Variants in COG1 observed in about 807,000 individuals in gnomAD.
COG1 encodes the protein conserved oligomeric Golgi complex subunit 1.
Under a neutral mutation model 102.2 loss-of-function variants are expected in COG1, and 61 were observed. That is an observed-to-expected ratio of 0.60 (90% CI 0.49 to 0.74). The LOEUF (loss-of-function observed/expected upper bound fraction) is 0.74. Among genes scored for constraint, COG1 ranks in the 30% least tolerant of loss-of-function variants. The pLI is 0.00. For synonymous variants in COG1, 454 were observed against 493.6 expected, an observed-to-expected ratio of 0.92 and a Z score of 1.06; for missense variants, 1,164 against 1,232.1, an observed-to-expected ratio of 0.94 and a Z score of 0.83.
chr17:73,205,431 G>A (rs1371189294), intron 9 of COG1, 122 bp from the exon 10 acceptor site: 1 of 1,006,250 alleles, frequency 9.9e-7, no homozygotes, highest in Admixed American at 1.7e-5. Context: ...GGCCATATGA[G>A]CATTAAAACC....
intron 9 of COG1, chr17:73,205,284 CT>C (rs2061363745): frequency 1.8e-4 from 81 of 452,356 alleles, no homozygotes; most frequent in Middle Eastern, 1.3e-3. Flanking sequence ...GGCAAGGAGC[CT>C]TTTTTTCCCC....
intron 9 of COG1, 82 bp from the exon 10 acceptor site, chr17:73,205,471 C>T: frequency 6.7e-7 from 1 of 1,503,604 alleles, no homozygotes; most frequent in Non-Finnish European, 9.3e-7. Flanking sequence ...AGCTGAAACT[C>T]AACCAAAACT....
rs543447161 is a variant in COG1, at chr17:73,195,018, G to C, written c.316-1489G>C. The stretch of plus-strand genomic sequence containing the variant: ...ATAAGTTTGCATATTTTTGAAATGA[G>C]TGACCTCATCCCTCCCAAAGCTAAC... On this transcript the variant is annotated intron_variant, in intron 1 of 13. Transcript: ENST00000299886. 9.1e-4 allele frequency among the ~76,000 whole-genome samples: 139 copies of C among 152,298 alleles called. 1 individual carries two copies. Among genetic ancestry groups the C allele is most frequent in the Middle Eastern group, 3.4e-3 (1 of 294 alleles).
chr17:73,198,971 T>G (rs1310208024), intron 4 of COG1, among the ~76,000 whole-genome samples: 2 of 152,236 alleles, frequency 1.3e-5, no homozygotes, highest in Non-Finnish European at 2.9e-5. Context: ...CACCTCCTTA[T>G]GCTTCGCTTT....
rs760505703 is a variant in COG1 at position 73,201,118 on chromosome 17, A to G, written c.1291A>G (p.Lys431Glu). ...LFLDRLQTLT[K>E]EGFDSISSSS... Reference sequence around the variant, plus strand: ...TCTCATTCTCTTTTAGACTCTGACAAAAGAAGGCTTTGACTCCATCTCCAG... The same window carrying G: ...TCTCATTCTCTTTTAGACTCTGACAGAAGAAGGCTTTGACTCCATCTCCAG... The change falls in exon 7 of 14, where the codon AAA becomes GAA. Residue 431 changes from lysine (K) to glutamate (E), a missense_variant. By Grantham distance (56) the Lys-to-Glu change is moderately conservative. Transcript: ENST00000299886. 5 of 1,614,120 alleles carry G rather than the reference A, an allele frequency of 3.1e-6. No individual in the cohort carries two copies. The highest frequency in any genetic ancestry group is 4.2e-6 in the Non-Finnish European group (5 of 1,180,004).
intron 7 of COG1, 109 bp downstream of exon 7, chr17:73,202,009 A>C: frequency 2.3e-5 from 26 of 1,146,910 alleles, no homozygotes; most frequent in Non-Finnish European, 3.2e-5. Flanking sequence ...TTCTGATTTC[A>C]TACGGTTAAC....
Position 73,196,877 on chromosome 17 carries a change from G to A in COG1, c.561-23G>A, listed in dbSNP as rs190156602. 8.9e-5 allele frequency: 143 copies of A among 1,614,060 alleles called. 1 individual carries two copies. The African/African-American group carries it at 1.6e-3, about 18-fold the overall frequency. On this transcript the variant is annotated intron_variant, in intron 2 of 13. Transcript: ENST00000299886. The stretch of plus-strand genomic sequence containing the variant: ...CCCAAGATGTGAAAAACACCCTGGC[G>A]ACTTCTGTCATCATTTTTCTAGGTC...
At position 73,203,804 on chromosome 17, in the gene COG1, G is replaced by A; in HGVS notation, c.2382+11G>A. ...GAAAAACAGATTAAGGTAGGTGTCT[G>A]AATGTTTGCCCATTAAAAACACAAA... On this transcript the variant is annotated intron_variant, in intron 9 of 13. Transcript: ENST00000299886. 4 of 1,614,128 alleles carry A rather than the reference G, an allele frequency of 2.5e-6. No homozygotes were observed. The highest frequency in any genetic ancestry group is 3.4e-6 in the Non-Finnish European group (4 of 1,179,958).
At position 73,201,184 on chromosome 17, in the gene COG1, G is replaced by C. The variant is rs62621249; in HGVS notation, c.1357G>C (p.Glu453Gln). Residue 453 changes from glutamate (E) to glutamine (Q), a missense_variant, in exon 7 of 14, where the codon GAA (glutamate) becomes CAA (glutamine). Physicochemically the swap from Glu to Gln is conservative, Grantham distance 29. Transcript: ENST00000299886. ...ELLVSALQEL[E>Q]SSTSNSPSNK... is the part of the protein sequence containing the mutation. ...CTTGGTTTCAGCTTTGCAGGAACTTGAAAGCAGCACCAGCAACTCCCCTTC... is the reference window on the plus strand; with the variant it reads ...CTTGGTTTCAGCTTTGCAGGAACTTCAAAGCAGCACCAGCAACTCCCCTTC... 0.081 allele frequency: 130,161 copies of C among 1,614,058 alleles called. 5,831 individuals are homozygous for C. The highest frequency in any genetic ancestry group is 0.089 in the Non-Finnish European group (104,904 of 1,179,960).
At chr17:73,205,210 C>A in intron 9 of COG1, 1 of 312,506 alleles carries the variant, frequency 3.2e-6, no homozygotes, top group East Asian at 8.2e-5. Flanking sequence ...AGGAACAAAT[C>A]CTGATTTTGG....
In COG1 at chr17:73,197,341, G is replaced by A; in HGVS notation, c.858G>A (p.Leu286=). The A allele has an allele frequency of 1.9e-6, 3 of 1,614,208 alleles. No individual in the cohort carries two copies. Among genetic ancestry groups the A allele is most frequent in the Non-Finnish European group, 2.5e-6 (3 of 1,180,032 alleles). The stretch of plus-strand genomic sequence containing the variant: ...AAGGACTGCTGCCAGATCCAGCCCT[G>A]CCATGTGGCTTGCTCTTCTCTACTC... The part of the protein sequence containing the change: ...LPEGLLPDPA[L]PCGLLFSTLE... The change falls in exon 4 of 14, where the codon CTG becomes CTA. Residue 286 remains leucine (L), a synonymous_variant. Transcript: ENST00000299886.
intron 1 of COG1, 48 bp downstream of exon 1, chr17:73,193,432 C>T (rs1019751240): frequency 2.3e-5 from 32 of 1,382,418 alleles, no homozygotes; most frequent in Non-Finnish European, 2.9e-5. Context: ...GGTCCCGGAG[C>T]CCCTGGCCTT....
At chr17:73,193,769 A>C (rs1014646234) in intron 1 of COG1, among the ~76,000 whole-genome samples, 1 of 152,096 alleles carries the variant, frequency 6.6e-6, no homozygotes, top group Non-Finnish European at 1.5e-5. Flanking sequence ...TTTCTCCCCT[A>C]TGTTGACACC....
chr17:73,200,308 T>C (rs1342513250), intron 5 of COG1, among the ~76,000 whole-genome samples: 1 of 152,240 alleles, frequency 6.6e-6, no homozygotes, highest in African/African-American at 2.4e-5. Flanking sequence ...GCATTGTTTT[T>C]TTAAGCCATT....
intron 9 of COG1, 52 bp downstream of exon 9, chr17:73,203,845 C>T (rs1405537401): frequency 5.0e-6 from 8 of 1,600,766 alleles, no homozygotes; most frequent in Admixed American, 3.3e-5. Flanking sequence ...CAAAAGAAAA[C>T]CTTAGCATTG....
intron 13 of COG1, 191 bp from the exon 14 acceptor site, chr17:73,208,123 T>C (rs2061390550): frequency 6.8e-7 from 1 of 1,462,932 alleles, no homozygotes; most frequent in Non-Finnish European, 9.0e-7. Context: ...TCTAGTTTTG[T>C]CACAAAGGCT....
At chr17:73,198,419 C>G (rs1568295720) in intron 4 of COG1, among the ~76,000 whole-genome samples, 1 of 152,158 alleles carries the variant, frequency 6.6e-6, no homozygotes, top group South Asian at 2.1e-4. Context: ...GAGACCCCAT[C>G]TCTACAAAAG....
intron 11 of COG1, 99 bp from the exon 12 acceptor site, chr17:73,206,609 T>C (rs1369362947): frequency 7.4e-6 from 6 of 814,782 alleles, no homozygotes; most frequent in African/African-American, 5.1e-5. Flanking sequence ...AAATGACAGT[T>C]AGAAATACGG....
chr17:73,205,957 G>T, intron 10 of COG1, 197 bp from the exon 11 acceptor site: 5 of 625,812 alleles, frequency 8.0e-6, no homozygotes, highest in Non-Finnish European at 1.1e-5. Flanking sequence ...CTTATAGACA[G>T]AACGGGGGAA....
Sources: allele counts gnomAD v4.1 joint callset (sites outside exome capture counted in the v4.1 genomes callset), GRCh38; gene constraint gnomAD v4.1.1; transcripts MANE v1.5; gene names NCBI Gene and HGNC (gene_info 2026-07-23, HGNC 2026-07-21).